Variants in ST7 observed in about 807,000 individuals in gnomAD.
ST7 encodes the protein suppressor of tumorigenicity 7 protein.
Under a neutral mutation model 78.7 loss-of-function variants are expected in ST7, and 28 were observed. That is an observed-to-expected ratio of 0.36 (90% confidence interval 0.26 to 0.49). ST7 has a LOEUF of 0.49. ST7 is among the 20% of genes least tolerant of loss of function. The pLI, the probability that ST7 is intolerant of heterozygous loss-of-function variation, is 0.99. For missense variants in ST7, 418 were observed against 696.0 expected (o/e 0.60, Z 4.49); for synonymous variants, 247 against 249.6 (o/e 0.99, Z 0.10).
chr7:117,229,667 C>A (rs982058541), intron 15 of ST7, 95 bp from the exon 16 acceptor site: 1 of 998,368 alleles, frequency 1.0e-6, no homozygotes, highest in Non-Finnish European at 1.5e-6. Flanking sequence ...TTTCGTAATG[C>A]AGAGACTTAA....
At chr7:117,221,071 C>A (rs1461829739) in intron 14 of ST7, among the ~76,000 whole-genome samples, 1 of 152,162 alleles carries the variant, frequency 6.6e-6, no homozygotes, top group Non-Finnish European at 1.5e-5. Flanking sequence ...GCTCTTTCTC[C>A]TCCTGCAGGC....
intron 9 of ST7, among the ~76,000 whole-genome samples, chr7:117,152,178 T>TAC (rs1491364757): frequency 1.2e-4 from 1 of 8,118 alleles, no homozygotes; most frequent in Non-Finnish European, 2.6e-4. Context: ...ATATAAAAAC[T>TAC]ATATATATAT....
At chr7:117,009,392 G>C (rs1356834713) in intron 1 of ST7, among the ~76,000 whole-genome samples, 2 of 151,728 alleles carry the variant, frequency 1.3e-5, no homozygotes, top group Non-Finnish European at 2.9e-5. Flanking sequence ...CACACAGGAA[G>C]GTCTGTGGTT....
intron 1 of ST7, among the ~76,000 whole-genome samples, chr7:116,979,396 T>A (rs1585081523): frequency 1.3e-5 from 2 of 152,358 alleles, no homozygotes; most frequent in South Asian, 4.1e-4. Flanking sequence ...TCAATAAGCT[T>A]GTGTAAATGA....
intron 1 of ST7, among the ~76,000 whole-genome samples, chr7:117,028,958 C>T (rs4236604): frequency 0.99 from 151,228 of 152,314 alleles, 75,085 homozygotes; most frequent in East Asian, 1. Flanking sequence ...TCCACATGAC[C>T]TTTTACCACT....
intron 1 of ST7, among the ~76,000 whole-genome samples, chr7:117,004,107 A>G (rs973200944): frequency 1.3e-5 from 2 of 152,204 alleles, no homozygotes; most frequent in African/African-American, 4.8e-5. Context: ...ATGAATGCCA[A>G]TTAGTATGGA....
chr7:117,152,222 T>C (rs10235357), intron 9 of ST7, among the ~76,000 whole-genome samples: 11 of 117,954 alleles, frequency 9.3e-5, no homozygotes, highest in African/African-American at 9.5e-5. Context: ...TATATATATA[T>C]ACCATGAACA....
intron 2 of ST7, among the ~76,000 whole-genome samples, chr7:117,106,616 CTTTT>C (rs758855564): frequency 1.9e-5 from 2 of 107,726 alleles, no homozygotes; most frequent in African/African-American, 3.3e-5. Context: ...TTGTATCATT[CTTTT>C]TTTTTTTTTT....
intron 1 of ST7, among the ~76,000 whole-genome samples, chr7:117,066,097 C>T (rs1236429554): frequency 2.0e-5 from 3 of 152,200 alleles, no homozygotes; most frequent in Non-Finnish European, 4.4e-5. Flanking sequence ...ACTAAGTCCT[C>T]CTGATTTATT....
intron 1 of ST7, among the ~76,000 whole-genome samples, chr7:116,981,114 G>GT (rs751948037): frequency 0.021 from 3,112 of 145,312 alleles, 41 homozygotes; most frequent in Non-Finnish European, 0.032. Context: ...CAGTAGTTTT[G>GT]TTTTTTTTTT....
intron 1 of ST7, 100 bp downstream of exon 1, chr7:116,953,791 G>A: frequency 3.5e-6 from 3 of 858,472 alleles, no homozygotes; most frequent in Non-Finnish European, 4.3e-6. Flanking sequence ...GCTCGGGGAC[G>A]CGCCGGGGCC....
intron 12 of ST7, among the ~76,000 whole-genome samples, chr7:117,195,002 C>T (rs1332466290): frequency 6.6e-6 from 1 of 152,164 alleles, no homozygotes; most frequent in Non-Finnish European, 1.5e-5. Context: ...CATTTTCTGA[C>T]AAGTTTCCAA....
intron 1 of ST7, among the ~76,000 whole-genome samples, chr7:116,973,779 A>G (rs1793559320): frequency 6.6e-6 from 1 of 152,326 alleles, no homozygotes; most frequent in South Asian, 2.1e-4. Flanking sequence ...ATCAAACATT[A>G]TGTTTATGAG....
intron 2 of ST7, among the ~76,000 whole-genome samples, chr7:117,103,476 A>G (rs1284939590): frequency 6.6e-6 from 1 of 152,256 alleles, no homozygotes; most frequent in African/African-American, 2.4e-5. Context: ...TTTTCGACAA[A>G]GGCACTGAGA....
intron 15 of ST7, chr7:117,223,885 A>G (rs1793278784): frequency 2.2e-6 from 2 of 929,516 alleles, no homozygotes; most frequent in East Asian, 2.3e-4. Context: ...TAGGTTTTCA[A>G]TAAATGATTA....
chr7:117,063,956 A>G (rs1456181677), intron 1 of ST7, among the ~76,000 whole-genome samples: 1 of 152,226 alleles, frequency 6.6e-6, no homozygotes, highest in African/African-American at 2.4e-5. Flanking sequence ...TTTGAAGCAC[A>G]ATAATTTTCA....
At chr7:117,086,203 A>T (rs543536156) in intron 1 of ST7, among the ~76,000 whole-genome samples, 33 of 152,322 alleles carry the variant, frequency 2.2e-4, no homozygotes, top group African/African-American at 7.0e-4. Context: ...TTTTGGGGAT[A>T]CACATTTGTT....
At chr7:117,193,187 C>T (rs1376932816) in intron 12 of ST7, among the ~76,000 whole-genome samples, 1 of 129,562 alleles carries the variant, frequency 7.7e-6, no homozygotes, top group African/African-American at 3.8e-5. Context: ...ACACACGGTG[C>T]CTTGGAGGCA....
chr7:117,173,605 A>G (rs920417543), intron 10 of ST7: 2 of 152,180 alleles, frequency 1.3e-5, no homozygotes, highest in African/African-American at 2.4e-5. Flanking sequence ...GACAGCTTTT[A>G]GGGCATTCTG....
Sources: allele counts gnomAD v4.1 joint callset (sites outside exome capture counted in the v4.1 genomes callset), GRCh38; gene constraint gnomAD v4.1.1; transcripts MANE v1.5; gene names NCBI Gene and HGNC (gene_info 2026-07-23, HGNC 2026-07-21).